Variants in MEF2C observed in about 807,000 individuals in gnomAD.
MEF2C encodes the protein myocyte-specific enhancer factor 2C.
MEF2C carries 6 observed loss-of-function variants against 50.5 expected under a neutral mutation model. That is an observed-to-expected ratio of 0.12 (90% CI 0.07 to 0.23). The LOEUF (loss-of-function observed/expected upper bound fraction) is 0.23. Among genes scored for constraint, MEF2C ranks in the 10% least tolerant of loss-of-function variants. The pLI, the probability that MEF2C is intolerant of heterozygous loss-of-function variation, is 1.00. For missense variants in MEF2C, 276 were observed against 605.0 expected (o/e 0.46, Z 5.70); for synonymous variants, 183 against 228.0 (o/e 0.80, Z 1.78).
At chr5:88,799,688 G>A (rs1210834596) in intron 3 of MEF2C, among the ~76,000 whole-genome samples, 1 of 152,100 alleles carries the variant, frequency 6.6e-6, no homozygotes, top group Non-Finnish European at 1.5e-5. Context: ...TTATTACTGT[G>A]CAGAAAACAT....
chr5:88,757,254 A>T (rs115571382), intron 4 of MEF2C, among the ~76,000 whole-genome samples: 2 of 152,202 alleles, frequency 1.3e-5, no homozygotes, highest in Non-Finnish European at 2.9e-5. Context: ...AAAGTCCAAT[A>T]AAAAAATCAA....
intron 1 of MEF2C, among the ~76,000 whole-genome samples, chr5:88,860,699 G>A (rs184066776): frequency 2.6e-4 from 40 of 152,224 alleles, no homozygotes; most frequent in Non-Finnish European, 5.0e-4. Flanking sequence ...AATCCTGCAA[G>A]ACTACAGTTT....
chr5:88,729,369 C>T, intron 8 of MEF2C, 22 bp from the exon 9 acceptor site: 1 of 1,563,920 alleles, frequency 6.4e-7, no homozygotes, highest in Non-Finnish European at 8.7e-7. Flanking sequence ...AATAAAAAGA[C>T]ATTACTGATG....
At chr5:88,877,728 A>G (rs1244492794) in intron 1 of MEF2C, among the ~76,000 whole-genome samples, 1 of 152,030 alleles carries the variant, frequency 6.6e-6, no homozygotes, top group Non-Finnish European at 1.5e-5. Flanking sequence ...GAGCAAGACC[A>G]AAATTATTAC....
chr5:88,759,479 T>C (rs1446556034), intron 4 of MEF2C, among the ~76,000 whole-genome samples: 1 of 151,644 alleles, frequency 6.6e-6, no homozygotes, highest in Admixed American at 6.6e-5. Context: ...TGAAACTCCG[T>C]CTCAAAAATA....
At chr5:88,877,146 A>G (rs1831314023) in intron 1 of MEF2C, among the ~76,000 whole-genome samples, 1 of 152,044 alleles carries the variant, frequency 6.6e-6, no homozygotes. Flanking sequence ...TGCATTATTT[A>G]AGAGTAATGA....
At chr5:88,741,906 T>C (rs1004573481) in intron 6 of MEF2C, 72 of 985,258 alleles carry the variant, frequency 7.3e-5, no homozygotes, top group Non-Finnish European at 8.3e-5. Context: ...TGGTTATAAA[T>C]TTAAACTGTT....
intron 6 of MEF2C, chr5:88,733,451 G>A: frequency 1.0e-6 from 1 of 985,308 alleles, no homozygotes; most frequent in Non-Finnish European, 1.2e-6. Context: ...CCTCTAAGTG[G>A]TCAGAAAGAT....
At chr5:88,732,129 A>G (rs545725985) in intron 6 of MEF2C, among the ~76,000 whole-genome samples, 2 of 152,296 alleles carry the variant, frequency 1.3e-5, no homozygotes, top group East Asian at 1.9e-4. Flanking sequence ...ATATACATCA[A>G]CTTGCTCAGA....
intron 3 of MEF2C, chr5:88,781,971 AAAAAC>A (rs746635842): frequency 4.4e-5 from 14 of 316,840 alleles, no homozygotes; most frequent in South Asian, 1.3e-4. Flanking sequence ...AGACTCTGTC[AAAAAC>A]AAAACAAAAC....
rs539548863 is a variant in MEF2C at position 88,754,429 on chromosome 5, A to G, written c.403-2386T>C. Among the ~76,000 whole-genome samples the G allele has an allele frequency of 9.2e-5, 14 of 152,308 alleles. No individual in the cohort carries two copies. The South Asian group carries it at 2.1e-3, about 23-fold the overall frequency. Reference sequence around the variant, plus strand: ...GTTTTCCTTAACTCTACCCATCTGTAAACAGTCCTTTTAACAAACTGTCTT... The same window carrying G: ...GTTTTCCTTAACTCTACCCATCTGTGAACAGTCCTTTTAACAAACTGTCTT... On this transcript the variant is annotated intron_variant, in intron 4 of 10. Coordinates refer to ENST00000504921, the MANE Select transcript of MEF2C (RefSeq NM_002397.5).
intron 4 of MEF2C, 121 bp from the exon 5 acceptor site, chr5:88,752,164 A>G (rs2152527460): frequency 2.3e-6 from 2 of 854,578 alleles, no homozygotes; most frequent in Non-Finnish European, 3.4e-6. Context: ...TTGTGTCTAG[A>G]AGACCATTAA....
intron 5 of MEF2C, 98 bp from the exon 6 acceptor site, chr5:88,749,215 T>C: frequency 1.5e-6 from 2 of 1,340,864 alleles, no homozygotes; most frequent in Non-Finnish European, 2.0e-6. Context: ...CCTCTTGCAA[T>C]AGTCATAAAC....
intron 3 of MEF2C, among the ~76,000 whole-genome samples, chr5:88,803,535 T>C (rs1799205800): frequency 6.6e-6 from 1 of 152,306 alleles, no homozygotes; most frequent in South Asian, 2.1e-4. Context: ...GTACATACTT[T>C]TGAAACACTT....
chr5:88,727,797 AAT>A (rs1561671615), intron 10 of MEF2C, among the ~76,000 whole-genome samples: 2 of 111,322 alleles, frequency 1.8e-5, no homozygotes, highest in South Asian at 3.0e-4. Flanking sequence ...TTTTATATGA[AAT>A]AGTGTGAATT....
intron 1 of MEF2C, among the ~76,000 whole-genome samples, chr5:88,832,802 A>C (rs1038994422): frequency 2.0e-5 from 3 of 152,196 alleles, no homozygotes; most frequent in Non-Finnish European, 4.4e-5. Flanking sequence ...TTTCTTGTGA[A>C]TATAAACAAA....
At chr5:88,771,413 C>T in intron 3 of MEF2C, 2 of 985,148 alleles carry the variant, frequency 2.0e-6, no homozygotes, top group Non-Finnish European at 2.4e-6. Flanking sequence ...CTAATGCCCT[C>T]ACTTACTTGG....
At chr5:88,852,708 G>A (rs531133216) in intron 1 of MEF2C, among the ~76,000 whole-genome samples, 7 of 151,958 alleles carry the variant, frequency 4.6e-5, no homozygotes, top group South Asian at 2.1e-4. Flanking sequence ...CCGTTTCACC[G>A]TTTTTGTATT....
intron 6 of MEF2C, chr5:88,748,649 C>T: frequency 2.1e-6 from 1 of 477,524 alleles, no homozygotes; most frequent in Non-Finnish European, 2.7e-6. Context: ...ATCTTAACCC[C>T]TCCTTTTCTT....
Sources: allele counts gnomAD v4.1 joint callset (sites outside exome capture counted in the v4.1 genomes callset), GRCh38; gene constraint gnomAD v4.1.1; transcripts MANE v1.5; gene names NCBI Gene and HGNC (gene_info 2026-07-23, HGNC 2026-07-21).